ARPP21: variants seen among roughly 807,000 people sequenced by gnomAD.
The protein encoded by ARPP21 is cAMP-regulated phosphoprotein 21.
A neutral mutation model predicts 113.2 loss-of-function variants in ARPP21; 69 were observed. The ratio of observed to expected loss-of-function variants is 0.61; its 90% CI spans 0.50 to 0.74. The LOEUF is 0.74. Among genes scored for constraint, ARPP21 ranks in the 30% least tolerant of loss-of-function variants. The probability of loss-of-function intolerance (pLI) is 0.00; values close to 1 mark genes in which losing one functional copy is unlikely to be tolerated. For missense variants in ARPP21, 1,070 were observed against 1,037.4 expected (o/e 1.03, Z -0.43); for synonymous variants, 368 against 375.5 (o/e 0.98, Z 0.23).
At chr3:35,747,845 G>A (rs919926209) in intron 19 of ARPP21, among the ~76,000 whole-genome samples, 1 of 151,728 alleles carries the variant, frequency 6.6e-6, no homozygotes, top group African/African-American at 2.4e-5. Flanking sequence ...CTGGGAGGTT[G>A]AGACTGCAGT....
chr3:35,743,816 T>G lies in ARPP21; in HGVS notation c.2011-23T>G, dbSNP rs768110488. 5 of 1,609,670 alleles carry G rather than the reference T, an allele frequency of 3.1e-6. No individual in the cohort carries two copies. In the South Asian group the frequency reaches 4.4e-5, roughly 14 times the overall value. On this transcript the variant is annotated intron_variant, in intron 18 of 20. Coordinates refer to ENST00000684406, the MANE Select transcript of ARPP21 (RefSeq NM_001385562.1). The stretch of plus-strand genomic sequence containing the variant: ...CATTATCTACATTTTCATTCTCTGC[T>G]TTCTTCCTCCTTTCTTCCACAGATG...
chr3:35,719,279 C>T (rs1268036974), intron 13 of ARPP21, among the ~76,000 whole-genome samples: 1 of 152,126 alleles, frequency 6.6e-6, no homozygotes, highest in Non-Finnish European at 1.5e-5. Flanking sequence ...TGTATAAATA[C>T]CTAGGAATCA....
At chr3:35,714,015 G>A (rs887405027) in intron 11 of ARPP21, among the ~76,000 whole-genome samples, 2 of 152,142 alleles carry the variant, frequency 1.3e-5, no homozygotes, top group Non-Finnish European at 2.9e-5. Context: ...AAAGAAGTTA[G>A]GACATTTAGT....
chr3:35,788,330 T>C (rs997017319), intron 19 of ARPP21, among the ~76,000 whole-genome samples: 2 of 152,188 alleles, frequency 1.3e-5, no homozygotes, highest in Non-Finnish European at 2.9e-5. Flanking sequence ...CCTTTGAAAT[T>C]TGGAGAAATA....
At chr3:35,712,831 CTT>C (rs747088001) in intron 11 of ARPP21, among the ~76,000 whole-genome samples, 10 of 152,010 alleles carry the variant, frequency 6.6e-5, no homozygotes, top group Non-Finnish European at 1.2e-4. Context: ...TTTGGCAAAA[CTT>C]TATATTTAGG....
rs556743590 is a variant in ARPP21, at chr3:35,785,960, A to T, written c.2138-6422A>T. 2.0e-5 allele frequency among the ~76,000 whole-genome samples: 3 copies of T among 152,318 alleles called. No individual in the cohort carries two copies. In the South Asian group the frequency reaches 6.2e-4, roughly 32 times the overall value. Reference sequence around the variant, plus strand: ...GGTGAGGAAAAGAAAGAGGATGGATACAGCAACTGCCAATAAATAAGTTAA... The same window carrying T: ...GGTGAGGAAAAGAAAGAGGATGGATTCAGCAACTGCCAATAAATAAGTTAA... On this transcript the variant is annotated intron_variant, in intron 19 of 20. Coordinates refer to ENST00000684406, the MANE Select transcript of ARPP21 (RefSeq NM_001385562.1).
chr3:35,777,682 C>A (rs1053400794), intron 19 of ARPP21, among the ~76,000 whole-genome samples: 23 of 152,114 alleles, frequency 1.5e-4, no homozygotes, highest in Admixed American at 9.8e-4. Context: ...ACTAGATCCT[C>A]CTTTTTTCTT....
chr3:35,745,743 T>C (rs1233472380), intron 19 of ARPP21, among the ~76,000 whole-genome samples: 3 of 152,180 alleles, frequency 2.0e-5, no homozygotes, highest in Non-Finnish European at 4.4e-5. Context: ...CAAGAGACAA[T>C]ATATGAGGCA....
intron 1 of ARPP21, among the ~76,000 whole-genome samples, chr3:35,659,219 A>G (rs1706487861): frequency 6.6e-6 from 1 of 152,208 alleles, no homozygotes; most frequent in African/African-American, 2.4e-5. Flanking sequence ...ATTACGTCCC[A>G]GCACACATAC....
At chr3:35,700,157 G>C (rs1326138480) in intron 9 of ARPP21, among the ~76,000 whole-genome samples, 1 of 151,764 alleles carries the variant, frequency 6.6e-6, no homozygotes, top group South Asian at 2.1e-4. Context: ...TCCCAAGCAA[G>C]TTAAGTATTT....
At chr3:35,677,090 C>T (rs897180315) in intron 1 of ARPP21, among the ~76,000 whole-genome samples, 12 of 151,818 alleles carry the variant, frequency 7.9e-5, no homozygotes, top group Admixed American at 4.6e-4. Context: ...GGTTAATATT[C>T]GTCCTTCTCT....
At position 35,659,755 on chromosome 3, in the gene ARPP21, T is replaced by A. The variant is rs571063316; in HGVS notation, c.-213+19357T>A. Among the ~76,000 whole-genome samples, 3 of 152,268 alleles carry A rather than the reference T, an allele frequency of 2.0e-5. No homozygotes were observed. In the South Asian group the frequency reaches 6.2e-4, roughly 32 times the overall value. On this transcript the variant is annotated intron_variant, in intron 1 of 20. Coordinates refer to ENST00000684406, the MANE Select transcript of ARPP21 (RefSeq NM_001385562.1). ...AAGTTTAAAGCAGTAATTCATCACATGTTGTAAGATGAGTTTCTCAAAAGG... is the reference window on the plus strand; with the variant it reads ...AAGTTTAAAGCAGTAATTCATCACAAGTTGTAAGATGAGTTTCTCAAAAGG...
At chr3:35,729,942 CA>C (rs2093828606) in intron 15 of ARPP21, among the ~76,000 whole-genome samples, 3 of 152,134 alleles carry the variant, frequency 2.0e-5, no homozygotes, top group Admixed American at 2.0e-4. Flanking sequence ...TTTTTGCATC[CA>C]AGGATCTTTC....
At chr3:35,724,081 C>T (rs889222792) in intron 14 of ARPP21, among the ~76,000 whole-genome samples, 1 of 152,086 alleles carries the variant, frequency 6.6e-6, no homozygotes, top group African/African-American at 2.4e-5. Flanking sequence ...TTACTCTTCT[C>T]CTCCTCTAAT....
intron 8 of ARPP21, 67 bp downstream of exon 8, chr3:35,690,207 C>A: frequency 1.2e-6 from 1 of 808,600 alleles, no homozygotes; most frequent in South Asian, 1.4e-5. Flanking sequence ...GTTAAATTGT[C>A]CATTCTGGAA....
At chr3:35,779,245 G>C (rs911570832) in intron 19 of ARPP21, among the ~76,000 whole-genome samples, 3 of 152,192 alleles carry the variant, frequency 2.0e-5, no homozygotes, top group Admixed American at 6.5e-5. Context: ...GCACAATTGG[G>C]GGAAGAAAAT....
intron 19 of ARPP21, among the ~76,000 whole-genome samples, chr3:35,757,586 T>G (rs2151213821): frequency 6.6e-6 from 1 of 152,202 alleles, no homozygotes; most frequent in East Asian, 1.9e-4. Flanking sequence ...AGTGGTGGTT[T>G]TTGTTATGTT....
chr3:35,727,679 C>T (rs372066890), intron 14 of ARPP21, among the ~76,000 whole-genome samples: 10 of 152,108 alleles, frequency 6.6e-5, no homozygotes, highest in African/African-American at 2.4e-4. Flanking sequence ...TAATCAACCT[C>T]GTGTACTACA....
chr3:35,667,959 A>AGAAGAAGAG (rs2075083814), intron 1 of ARPP21, among the ~76,000 whole-genome samples: 1 of 61,158 alleles, frequency 1.6e-5, no homozygotes, highest in African/African-American at 6.4e-5. Context: ...AAGAAGAAGA[A>AGAAGAAGAG]GAAGAAGAAG....
Sources: gnomAD v4.1 joint callset for allele counts (sites outside exome capture counted in the v4.1 genomes callset) on GRCh38, gnomAD v4.1.1 for gene constraint, MANE v1.5 for transcripts, NCBI Gene and HGNC (gene_info 2026-07-23, HGNC 2026-07-21) for gene names.